The following PSMD3 variants were observed in gnomAD, a reference collection of about 807,000 sequenced individuals.
PSMD3 encodes the protein proteasome 26S subunit, non-ATPase 3, also known as 26S proteasome non-ATPase regulatory subunit 3.
In PSMD3, 5 loss-of-function variants were observed where a neutral mutation model predicts 62.8. The observed-to-expected ratio is 0.08, with a 90% CI of 0.04 to 0.17. The LOEUF (loss-of-function observed/expected upper bound fraction) is 0.17, where lower values mean the gene tolerates loss of function less well. Among genes scored for constraint, PSMD3 ranks in the 10% least tolerant of loss-of-function variants. The probability of loss-of-function intolerance (pLI) is 1.00; values close to 1 mark genes in which losing one functional copy is unlikely to be tolerated. For synonymous variants in PSMD3, 265 were observed against 283.9 expected (o/e 0.93, Z 0.67); for missense variants, 524 against 713.6 (o/e 0.73, Z 3.03).
Position 39,990,221 on chromosome 17 carries a change from C to T in PSMD3, c.981+24C>T, listed in dbSNP as rs199517138. 1.2e-3 allele frequency: 1,744 copies of T among 1,473,718 alleles called. 12 individuals are homozygous for T. Among genetic ancestry groups the T allele is most frequent in the South Asian group, 5.3e-3 (425 of 79,482 alleles). 91.3% of individuals were successfully genotyped at this position (1,473,718 alleles called of 1,614,324 possible). A position where few individuals can be genotyped will look rare whatever the true frequency, so the allele number is the denominator to read the frequency against. On this transcript the variant is annotated intron_variant, in intron 6 of 11. Coordinates refer to ENST00000264639, the MANE Select transcript of PSMD3 (RefSeq NM_002809.4). ...CGGTGAGCCACAACTACCATCATCC[C>T]TTTGCCTCTTTTTTTTTTTTTTTTT...
intron 1 of PSMD3, among the ~76,000 whole-genome samples, chr17:39,983,888 T>C (rs1980448544): frequency 6.6e-6 from 1 of 152,194 alleles, no homozygotes; most frequent in Admixed American, 6.5e-5. Context: ...ATTTTGCCCC[T>C]CTGTGAGAGG....
chr17:39,997,354 T>C lies in PSMD3; in HGVS notation c.1501T>C (p.Tyr501His). 6.2e-7 allele frequency: 1 copy of C among 1,614,162 alleles called. No individual in the cohort carries two copies. Among genetic ancestry groups the C allele is most frequent in the Non-Finnish European group, 8.5e-7 (1 of 1,180,028 alleles). The change falls in exon 11 of 12, where the codon TAC (tyrosine) becomes CAC (histidine). Residue 501 changes from tyrosine (Y) to histidine (H), a missense_variant. Coordinates refer to ENST00000264639, the MANE Select transcript of PSMD3 (RefSeq NM_002809.4). The part of the protein sequence containing the change: ...VKAMRFPPKS[Y>H]NKDLESAEER... Reference sequence around the variant, plus strand: ...GGCCATGAGGTTTCCTCCCAAATCGTACAACAAGGACTTGGAGTCTGCAGA... The same window carrying C: ...GGCCATGAGGTTTCCTCCCAAATCGCACAACAAGGACTTGGAGTCTGCAGA...
In PSMD3 at chr17:39,989,919, C is replaced by T; in HGVS notation, c.867C>T (p.Leu289=). ...ACAACAATGAGTGGGCCAGGTACCTCTACTACACAGGTGAGCAGAGGGGCC... is the reference window on the plus strand; with the variant it reads ...ACAACAATGAGTGGGCCAGGTACCTTTACTACACAGGTGAGCAGAGGGGCC... The part of the protein sequence containing the change: ...QANNNEWARY[L]YYTGRIKAIQ... Residue 289 remains leucine (L), a synonymous_variant, in exon 5 of 12, where the codon CTC becomes CTT. Coordinates refer to ENST00000264639, the MANE Select transcript of PSMD3 (RefSeq NM_002809.4). 2 of 1,613,336 alleles carry T rather than the reference C, an allele frequency of 1.2e-6. No homozygotes were observed. Among genetic ancestry groups the T allele is most frequent in the South Asian group, 2.2e-5 (2 of 91,048 alleles).
In PSMD3 at chr17:39,995,106, C is replaced by A. The variant is rs1419140226; in HGVS notation, c.1096+38C>A. On this transcript the variant is annotated intron_variant, in intron 7 of 11. Coordinates refer to ENST00000264639, the MANE Select transcript of PSMD3 (RefSeq NM_002809.4). This position sits in a 1 kb window ranked among gnomAD's most constrained non-coding sequence, Gnocchi z 4.1. The stretch of plus-strand genomic sequence containing the variant: ...TCCCCACCCCAGAGCCCACTAGGCC[C>A]CCTTCAGTGGGGCCTCTTACATGCC... 6.2e-7 allele frequency: 1 copy of A among 1,613,806 alleles called. No homozygotes were observed. The highest frequency in any genetic ancestry group is 1.1e-5 in the South Asian group (1 of 91,092).
At chr17:39,994,619 C>T (rs745979656) in intron 6 of PSMD3, 5 of 333,974 alleles carry the variant, frequency 1.5e-5, no homozygotes, top group African/African-American at 4.2e-5. Flanking sequence ...CCTGGTCCCT[C>T]GCTGTTGCTG....
rs368645970 is a variant in PSMD3, at chr17:39,986,727, G to C, written c.549+15G>C. 1.2e-6 allele frequency: 2 copies of C among 1,613,688 alleles called. No individual in the cohort carries two copies. The highest frequency in any genetic ancestry group is 2.7e-5 in the African/African-American group (2 of 74,924). ...GCTACAAAGAGGTATCCAGGATGCAGTGAGAGCGATTCATAAGCCCCAAGT... is the reference window on the plus strand; with the variant it reads ...GCTACAAAGAGGTATCCAGGATGCACTGAGAGCGATTCATAAGCCCCAAGT... On this transcript the variant is annotated intron_variant, in intron 3 of 11. Transcript: ENST00000264639.
chr17:39,994,906 C>T (rs767229771), intron 6 of PSMD3, 48 bp from the exon 7 acceptor site: 15 of 1,532,762 alleles, frequency 9.8e-6, no homozygotes, highest in East Asian at 2.3e-5. Flanking sequence ...TTTCTTCTTC[C>T]GCCCATGGGG....
Position 39,995,464 on chromosome 17 carries a change from G to C in PSMD3, c.1257G>C (p.Leu419Phe), listed in dbSNP as rs1367218093. 6.2e-6 allele frequency: 10 copies of C among 1,614,108 alleles called. No homozygotes were observed. The highest frequency in any genetic ancestry group is 8.5e-6 in the Non-Finnish European group (10 of 1,180,008). Residue 419 changes from leucine to phenylalanine, a missense_variant, in exon 9 of 12, where the codon TTG becomes TTC. Physicochemically the swap from Leu to Phe is conservative, Grantham distance 22. Transcript: ENST00000264639. This position sits in a 1 kb window ranked among gnomAD's most constrained non-coding sequence, Gnocchi z 4.1. ...MISLSYSRIS[L>F]ADIAQKLQLD... Reference sequence around the variant, plus strand: ...GCCTCTCCTATTCCCGAATCTCCTTGGCTGACATCGCCCAGAAGCTGCAGT... The same window carrying C: ...GCCTCTCCTATTCCCGAATCTCCTTCGCTGACATCGCCCAGAAGCTGCAGT...
Position 39,995,548 on chromosome 17 carries a change from A to G in PSMD3, c.1320+21A>G. 1 of 1,591,816 alleles carries G rather than the reference A, an allele frequency of 6.3e-7. No individual in the cohort carries two copies. Among genetic ancestry groups the G allele is most frequent in the Non-Finnish European group, 8.6e-7 (1 of 1,159,872 alleles). On this transcript the variant is annotated intron_variant, in intron 9 of 11. Transcript: ENST00000264639. The surrounding 1 kb of genome is among the most constrained non-coding windows in gnomAD (Gnocchi z 4.1). ...CCAAGGTGGGGCTGGTTCAGGAACC[A>G]CAGTGACCAGGTTGTCACTTTCCTG...
intron 6 of PSMD3, chr17:39,994,351 C>T (rs4795412): frequency 0.36 from 54,543 of 153,120 alleles, 9,898 homozygotes; most frequent in East Asian, 0.46. Flanking sequence ...AGTTCTTCCG[C>T]GATGCTGACT....
rs898936124 is a variant in PSMD3, at chr17:39,981,341, C to T, written c.220+151C>T. On this transcript the variant is annotated intron_variant, in intron 1 of 11. Transcript: ENST00000264639. ...CCTGCTCCCACTGCCCCGACACTCC[C>T]GACTCCAGGCCCAATGACTGAACCT... The T allele has an allele frequency of 3.9e-5, 52 of 1,331,288 alleles. No homozygotes were observed. In the African/African-American group the frequency reaches 7.2e-4, roughly 19 times the overall value. 82.5% of individuals were successfully genotyped at this position (1,331,288 alleles called of 1,614,324 possible). A position where few individuals can be genotyped will look rare whatever the true frequency, so the allele number is the denominator to read the frequency against.
Position 39,986,656 on chromosome 17 carries a change from G to T in PSMD3, c.493G>T (p.Ala165Ser). 1 of 1,614,134 alleles carries T rather than the reference G, an allele frequency of 6.2e-7. No homozygotes were observed. Among genetic ancestry groups the T allele is most frequent in the Non-Finnish European group, 8.5e-7 (1 of 1,180,018 alleles). ...ASTPLLPEVE[A>S]YLQLLVVIFM... ...GACACCCCTCCTGCCTGAAGTGGAAGCCTATCTCCAACTCCTCGTGGTCAT... is the reference window on the plus strand; with the variant it reads ...GACACCCCTCCTGCCTGAAGTGGAATCCTATCTCCAACTCCTCGTGGTCAT... The change falls in exon 3 of 12, where the codon GCC (alanine) becomes TCC (serine). Residue 165 changes from alanine (A) to serine (S), a missense_variant. Transcript: ENST00000264639.
At chr17:39,983,621 T>G (rs1980439364) in intron 1 of PSMD3, among the ~76,000 whole-genome samples, 1 of 152,238 alleles carries the variant, frequency 6.6e-6, no homozygotes, top group Non-Finnish European at 1.5e-5. Flanking sequence ...TTAAATGAAG[T>G]CAAGCCCATT....
intron 6 of PSMD3, among the ~76,000 whole-genome samples, chr17:39,991,141 A>G (rs1410817807): frequency 6.6e-6 from 1 of 151,268 alleles, no homozygotes; most frequent in Admixed American, 6.6e-5. Flanking sequence ...CATCCAACTA[A>G]TTTTTTTGTT....
At chr17:39,992,554 A>G (rs1415318648) in intron 6 of PSMD3, among the ~76,000 whole-genome samples, 1 of 152,154 alleles carries the variant, frequency 6.6e-6, no homozygotes, top group Non-Finnish European at 1.5e-5. Context: ...TCCTGTTCAA[A>G]GCGGAGGTCA....
chr17:39,997,220 C>T (rs12453334), intron 10 of PSMD3, 110 bp from the exon 11 acceptor site: 368,917 of 1,032,110 alleles, frequency 0.36, 69,778 homozygotes, highest in South Asian at 0.48. Context: ...AGGGGCCCGC[C>T]GCTTCCTGCC....
chr17:39,997,309 C>T, intron 10 of PSMD3, 21 bp from the exon 11 acceptor site: 1 of 1,613,572 alleles, frequency 6.2e-7, no homozygotes, highest in Non-Finnish European at 8.5e-7. Flanking sequence ...TCGCTCATCT[C>T]CTCTCTTTGC....
intron 2 of PSMD3, among the ~76,000 whole-genome samples, chr17:39,984,812 C>T (rs77384819): frequency 2.6e-5 from 4 of 152,148 alleles, no homozygotes; most frequent in Admixed American, 6.5e-5. Context: ...CCTCTTTCTT[C>T]TGAAGCTTCA....
chr17:39,984,506 A>C, intron 2 of PSMD3, 22 bp downstream of exon 2: 1 of 1,596,882 alleles, frequency 6.3e-7, no homozygotes, highest in South Asian at 1.1e-5. Context: ...AGGCCAACTT[A>C]AAGGGTGCAG....
Sources: allele counts gnomAD v4.1 joint callset (sites outside exome capture counted in the v4.1 genomes callset), GRCh38; gene constraint gnomAD v4.1.1; non-coding constraint Gnocchi (gnomAD v3.1); transcripts MANE v1.5; gene names NCBI Gene and HGNC (gene_info 2026-07-23, HGNC 2026-07-21).